RIF1: variants seen among roughly 807,000 people sequenced by gnomAD.
RIF1 encodes telomere-associated protein RIF1.
RIF1 carries 45 observed loss-of-function variants against 247.1 expected under a neutral mutation model. The observed-to-expected ratio is 0.18, with a 90% CI of 0.14 to 0.23. RIF1 has a LOEUF of 0.23. Among genes scored for constraint, RIF1 ranks in the 10% least tolerant of loss-of-function variants. The probability of loss-of-function intolerance (pLI) is 1.00; values close to 1 mark genes in which losing one functional copy is unlikely to be tolerated. For missense variants in RIF1, 2,967 were observed against 2,862.5 expected, an observed-to-expected ratio of 1.04 and a Z score of -0.83; for synonymous variants, 1,087 against 978.8, an observed-to-expected ratio of 1.11 and a Z score of -2.06.
At chr2:151,414,194 C>T (rs532419861) in intron 3 of RIF1, among the ~76,000 whole-genome samples, 2 of 152,022 alleles carry the variant, frequency 1.3e-5, no homozygotes, top group East Asian at 3.9e-4. Flanking sequence ...CCTGTCATCC[C>T]AGCTGCTCTT....
At chr2:151,483,551 T>A (rs2049267127), downstream of RIF1, among the ~76,000 whole-genome samples, 1 of 152,138 alleles carries the variant, frequency 6.6e-6, no homozygotes, top group African/African-American at 2.4e-5. Flanking sequence ...ATATATACAG[T>A]CATCCCTCAA....
At chr2:151,506,027 TGTG>T (rs1446358686) in intron 12 of RIF1, 17 of 764,414 alleles carry the variant, frequency 2.2e-5, no homozygotes, top group Admixed American at 9.4e-5. Context: ...CTAGCCACTG[TGTG>T]GTGGTGGTAC....
At chr2:151,442,929 GC>G (rs1421407333) in intron 16 of RIF1, among the ~76,000 whole-genome samples, 5 of 151,640 alleles carry the variant, frequency 3.3e-5, no homozygotes, top group African/African-American at 1.2e-4. Flanking sequence ...GTGCCACCCT[GC>G]CCGGCTAGTT....
intron 22 of RIF1, 125 bp from the exon 23 acceptor site, chr2:151,456,453 C>T: frequency 1.8e-6 from 1 of 559,132 alleles, no homozygotes; most frequent in Non-Finnish European, 3.1e-6. Context: ...AGTCTTTGGG[C>T]ACCTTTTTAT....
At chr2:151,505,998 C>A in intron 12 of RIF1, 1 of 667,546 alleles carries the variant, frequency 1.5e-6, no homozygotes. Context: ...CAAGGCACTG[C>A]ACTGAATATG....
At chr2:151,512,339 CT>C (rs943434444), downstream of RIF1, among the ~76,000 whole-genome samples, 10 of 148,570 alleles carry the variant, frequency 6.7e-5, no homozygotes, top group Admixed American at 6.7e-5. Context: ...GGGCTTCTCT[CT>C]TTTTTTTTTA....
chr2:151,449,075 A>G (rs1693807538), intron 20 of RIF1, among the ~76,000 whole-genome samples: 1 of 152,202 alleles, frequency 6.6e-6, no homozygotes, highest in South Asian at 2.1e-4. Context: ...TAGGTCTTCT[A>G]AAGTTAACCT....
Position 151,435,485 on chromosome 2 carries a change from G to A in RIF1, c.1100G>A (p.Ser367Asn). The A allele has an allele frequency of 1.2e-6, 2 of 1,610,470 alleles. No homozygotes were observed. The highest frequency in any genetic ancestry group is 1.7e-6 in the Non-Finnish European group (2 of 1,176,810). Reference protein sequence around the residue: ...FEQVCVPLIQSTISIDSNASP... With the variant: ...FEQVCVPLIQNTISIDSNASP... ...TAGGTTTGTGTGCCTCTGATTCAAA[G>A]TACAATAAGCATTGATTCTAATGCC... Residue 367 changes from serine (S) to asparagine (N), a missense_variant, in exon 11 of 36, where the codon AGT becomes AAT. Ser to Asn is a conservative substitution (Grantham distance 46). Coordinates refer to ENST00000444746, the MANE Select transcript of RIF1 (RefSeq NM_018151.5).
chr2:151,436,682 CATATTAAT>C, intron 11 of RIF1, 137 bp from the exon 12 acceptor site: 1 of 569,154 alleles, frequency 1.8e-6, no homozygotes, highest in Non-Finnish European at 2.9e-6. Context: ...AGAATACCTG[CATATTAAT>C]ATTTCAAGGT....
At chr2:151,513,792 G>T in the RIF1 span, 1 of 815,090 alleles carries the variant, frequency 1.2e-6, no homozygotes, top group Non-Finnish European at 2.0e-6. Flanking sequence ...CGCCACCCCA[G>T]TTGTCACAGA....
intron 20 of RIF1, among the ~76,000 whole-genome samples, chr2:151,447,305 G>C (rs535200558): frequency 6.6e-6 from 1 of 152,338 alleles, no homozygotes; most frequent in Admixed American, 6.5e-5. Flanking sequence ...CGTCATTCCA[G>C]AATAGACCTC....
At chr2:151,503,571 AG>A (rs1386461142) in intron 12 of RIF1, 23 of 588,394 alleles carry the variant, frequency 3.9e-5, no homozygotes, top group Middle Eastern at 7.5e-4. Context: ...TTCAAGGAAC[AG>A]GGGGGAAAAT....
At chr2:151,440,852 A>C (rs1692163997) in intron 15 of RIF1, among the ~76,000 whole-genome samples, 1 of 152,250 alleles carries the variant, frequency 6.6e-6, no homozygotes, top group South Asian at 2.1e-4. Context: ...GTGAATTGAT[A>C]CATGGAAAGT....
chr2:151,497,560 A>G (rs2061067644), intron 10 of RIF1: 1 of 1,531,972 alleles, frequency 6.5e-7, no homozygotes, highest in Non-Finnish European at 8.8e-7. Context: ...AATACGTATT[A>G]TTTTAAATCA....
chr2:151,499,326 ACTCT>A, intron 10 of RIF1: 2 of 1,536,400 alleles, frequency 1.3e-6, no homozygotes, highest in Non-Finnish European at 1.8e-6. Flanking sequence ...ATTGTGTTTG[ACTCT>A]CTCCATCTCT....
At chr2:151,491,453 A>G (rs1043195292) in intron 9 of RIF1, 4 of 376,092 alleles carry the variant, frequency 1.1e-5, no homozygotes, top group Non-Finnish European at 2.0e-5. Flanking sequence ...ATTAGAAATG[A>G]TAATAATGGG....
chr2:151,469,060 G>A (rs949395366), intron 33 of RIF1, among the ~76,000 whole-genome samples: 5 of 152,100 alleles, frequency 3.3e-5, no homozygotes, highest in Admixed American at 6.5e-5. Flanking sequence ...ATAGGATGAA[G>A]TTTACAAAGA....
At chr2:151,491,797 A>C in intron 9 of RIF1, 1 of 1,539,246 alleles carries the variant, frequency 6.5e-7, no homozygotes, top group Non-Finnish European at 8.8e-7. Flanking sequence ...ACCAGTGATC[A>C]GAACAAGTGT....
At position 151,465,396 on chromosome 2, in the gene RIF1, T is replaced by C. The variant is rs1425430994; in HGVS notation, c.5876T>C (p.Leu1959Pro). 10 of 1,613,516 alleles carry C rather than the reference T, an allele frequency of 6.2e-6. No individual in the cohort carries two copies. The highest frequency in any genetic ancestry group is 7.6e-6 in the Non-Finnish European group (9 of 1,179,774). ...NDDSEADTAK[L>P]NAKEVATEEF... ...GACTCTGAAGCAGACACAGCTAAAC[T>C]GAATGCCAAAGAAGTAGCAACTGAG... The change falls in exon 30 of 36, where the codon CTG becomes CCG. Residue 1959 changes from leucine to proline, a missense_variant. Leu to Pro is a moderately conservative substitution (Grantham distance 98). This residue lies in a region of RIF1 where 2,028 missense variants were observed against 1,825.6 expected (regional missense o/e 1.11). Coordinates refer to ENST00000444746, the MANE Select transcript of RIF1 (RefSeq NM_018151.5).
Sources: gnomAD v4.1 joint callset for allele counts (sites outside exome capture counted in the v4.1 genomes callset) on GRCh38, gnomAD v4.1.1 for gene constraint, gnomAD v4.1.1 regional missense constraint, MANE v1.5 for transcripts, NCBI Gene and HGNC (gene_info 2026-07-23, HGNC 2026-07-21) for gene names.